PDE8B: variants seen among roughly 807,000 people sequenced by gnomAD.
The protein encoded by PDE8B is phosphodiesterase 8B.
In PDE8B, 26 loss-of-function variants were observed where a neutral mutation model predicts 101.3. That is an observed-to-expected ratio of 0.26 (90% CI 0.19 to 0.36). PDE8B has a LOEUF of 0.36. Among genes scored for constraint, PDE8B ranks in the 10% least tolerant of loss-of-function variants. PDE8B has a pLI of 1.00. For missense variants in PDE8B, 810 were observed against 1,163.1 expected, an observed-to-expected ratio of 0.70 and a Z score of 4.42; for synonymous variants, 424 against 429.3, an observed-to-expected ratio of 0.99 and a Z score of 0.15.
At chr5:77,207,520 T>G (rs949931135), upstream of PDE8B, among the ~76,000 whole-genome samples, 5 of 152,086 alleles carry the variant, frequency 3.3e-5, no homozygotes, top group African/African-American at 1.2e-4. Context: ...TGCTAAATTT[T>G]TCTCCACTTA....
chr5:77,100,538 G>A, the PDE8B span: 1 of 152,248 alleles, frequency 6.6e-6, no homozygotes, highest in Non-Finnish European at 1.5e-5. Context: ...CCCTAAATGA[G>A]GCTTATACTT....
the PDE8B span, among the ~76,000 whole-genome samples, chr5:77,191,129 C>G: frequency 6.6e-6 from 1 of 152,096 alleles, no homozygotes; most frequent in Non-Finnish European, 1.5e-5. Flanking sequence ...GTGTCTCTTC[C>G]TCTTCCCACA....
At chr5:77,197,941 C>A in the PDE8B span, among the ~76,000 whole-genome samples, 1 of 151,532 alleles carries the variant, frequency 6.6e-6, no homozygotes, top group African/African-American at 2.4e-5. Context: ...TTCTTGTCTG[C>A]GAATTTCTGT....
At chr5:77,311,085 G>C (rs553909663) in intron 1 of PDE8B, among the ~76,000 whole-genome samples, 14 of 152,202 alleles carry the variant, frequency 9.2e-5, no homozygotes, top group African/African-American at 3.1e-4. Context: ...ACTGACAAGG[G>C]GCCAGTACAG....
chr5:77,141,329 A>G, the PDE8B span: 8 of 152,250 alleles, frequency 5.3e-5, no homozygotes, highest in Admixed American at 4.6e-4. Flanking sequence ...CCTAGAAGCA[A>G]TGAATATACA....
At chr5:77,312,367 G>A (rs557789983) in intron 2 of PDE8B, among the ~76,000 whole-genome samples, 9 of 152,308 alleles carry the variant, frequency 5.9e-5, no homozygotes, top group Admixed American at 1.3e-4. Flanking sequence ...GCCTCCCAGA[G>A]TGCTGGGATT....
chr5:77,311,244 T>A (rs1369259960), intron 1 of PDE8B, among the ~76,000 whole-genome samples: 1 of 152,190 alleles, frequency 6.6e-6, no homozygotes, highest in Non-Finnish European at 1.5e-5. Context: ...GTAAAGTAAT[T>A]AAAAATAAAG....
chr5:77,184,626 G>A, the PDE8B span, among the ~76,000 whole-genome samples: 1 of 152,070 alleles, frequency 6.6e-6, no homozygotes, highest in Admixed American at 6.5e-5. Flanking sequence ...AGCTTTATGT[G>A]TGAGAAGTGG....
At chr5:77,415,351 A>AT (rs71606293) in intron 17 of PDE8B, among the ~76,000 whole-genome samples, 3,460 of 88,602 alleles carry the variant, frequency 0.039, 49 homozygotes, top group Non-Finnish European at 0.047. Context: ...ATAAGCTAAA[A>AT]TTTTTTTTTT....
chr5:77,258,393 G>A (rs1436937444), intron 1 of PDE8B, among the ~76,000 whole-genome samples: 1 of 152,040 alleles, frequency 6.6e-6, no homozygotes, highest in East Asian at 1.9e-4. Flanking sequence ...ATAGGCAGGG[G>A]CAGGGGCTAG....
Position 77,211,083 on chromosome 5 carries a change from T to TC in PDE8B, c.164dup (p.Ser56GlufsTer23). ...GTCCAGACCGACGCCGCCGACGCCA[T>TC]CCCCCCGAGCCGCGCGTCGGGACCC... On this transcript the variant is annotated frameshift_variant, in exon 1 of 22. Coordinates refer to ENST00000264917, the MANE Select transcript of PDE8B (RefSeq NM_003719.5). LOFTEE classifies it high-confidence loss of function. The surrounding 1 kb of genome is among the most constrained non-coding windows in gnomAD (Gnocchi z 4.1). The TC allele has an allele frequency of 2.7e-6, 4 of 1,496,294 alleles. No homozygotes were observed. Among genetic ancestry groups the TC allele is most frequent in the Admixed American group, 4.3e-5 (2 of 46,302 alleles). 92.7% of individuals were successfully genotyped at this position (1,496,294 alleles called of 1,614,324 possible).
the PDE8B span, chr5:77,118,494 A>G: frequency 2.5e-6 from 1 of 398,140 alleles, no homozygotes; most frequent in Middle Eastern, 6.3e-4. Flanking sequence ...CATGGAGGCC[A>G]GCCTAGGTCT....
rs1777514692 is a variant in PDE8B at position 77,333,328 on chromosome 5, A to T, written c.708+1869A>T. The stretch of plus-strand genomic sequence containing the variant: ...CAAAAGAAAAATCAGCAAAGAAGCC[A>T]TGTGGTTGAGACAGATTTTCTTTAC... On this transcript the variant is annotated intron_variant, in intron 5 of 21. Transcript: ENST00000264917. Among the ~76,000 whole-genome samples, 3 of 152,250 alleles carry T rather than the reference A, an allele frequency of 2.0e-5. No individual in the cohort carries two copies. In the South Asian group the frequency reaches 6.2e-4, roughly 31 times the overall value.
Position 77,297,716 on chromosome 5 carries a change from T to C in PDE8B, c.340-14278T>C, listed in dbSNP as rs370842380. Among the ~76,000 whole-genome samples the C allele has an allele frequency of 2.0e-5, 3 of 152,268 alleles. No individual in the cohort carries two copies. The South Asian group carries it at 6.2e-4, about 32-fold the overall frequency. ...AGCAGCCTTCTGTGACCTGGCTCCTTCCTCCCTCTCTAGCCACATGGTCTG... is the reference window on the plus strand; with the variant it reads ...AGCAGCCTTCTGTGACCTGGCTCCTCCCTCCCTCTCTAGCCACATGGTCTG... On this transcript the variant is annotated intron_variant, in intron 1 of 21. Coordinates refer to ENST00000264917, the MANE Select transcript of PDE8B (RefSeq NM_003719.5).
At chr5:77,334,206 A>G (rs1334047471) in intron 5 of PDE8B, among the ~76,000 whole-genome samples, 3 of 152,152 alleles carry the variant, frequency 2.0e-5, no homozygotes, top group African/African-American at 7.2e-5. Context: ...ATTGTATTAG[A>G]TTATCTGCTG....
intron 1 of PDE8B, among the ~76,000 whole-genome samples, chr5:77,215,961 A>G (rs562785835): frequency 1.4e-4 from 21 of 152,268 alleles, no homozygotes; most frequent in Non-Finnish European, 1.2e-4. Context: ...AAAGCTGCTT[A>G]CTTTCTATTC....
At chr5:77,171,002 T>C in the PDE8B span, among the ~76,000 whole-genome samples, 1 of 152,116 alleles carries the variant, frequency 6.6e-6, no homozygotes, top group East Asian at 1.9e-4. Flanking sequence ...GTGAGAAAAA[T>C]ACCTGAACAC....
At chr5:77,324,248 A>G (rs930401520) in intron 2 of PDE8B, among the ~76,000 whole-genome samples, 8 of 152,206 alleles carry the variant, frequency 5.3e-5, no homozygotes, top group African/African-American at 1.7e-4. Context: ...TGTTATTCAT[A>G]GTAAAGCCCT....
chr5:77,091,374 TCA>T, the PDE8B span, among the ~76,000 whole-genome samples: 2,759 of 152,332 alleles, frequency 0.018, 46 homozygotes, highest in Non-Finnish European at 0.027. Flanking sequence ...GTGCAGTGGC[TCA>T]CGCCTGTAAT....
Sources: gnomAD v4.1 joint callset for allele counts (sites outside exome capture counted in the v4.1 genomes callset) on GRCh38, gnomAD v4.1.1 for gene constraint, Gnocchi (gnomAD v3.1) non-coding constraint, MANE v1.5 for transcripts, NCBI Gene and HGNC (gene_info 2026-07-23, HGNC 2026-07-21) for gene names.